The following EPHA6 variants were observed in gnomAD, a reference collection of about 807,000 sequenced individuals.
The protein encoded by EPHA6 is ephrin type-A receptor 6.
A neutral mutation model predicts 112.0 loss-of-function variants in EPHA6; 50 were observed. The ratio of observed to expected loss-of-function variants is 0.45; its 90% confidence interval spans 0.36 to 0.56. EPHA6 has a LOEUF of 0.56. Among genes scored for constraint, EPHA6 ranks in the 20% least tolerant of loss-of-function variants. The probability of loss-of-function intolerance (pLI) is 0.00; values close to 1 mark genes in which losing one functional copy is unlikely to be tolerated. For synonymous variants in EPHA6, 529 were observed against 490.7 expected, an observed-to-expected ratio of 1.08 and a Z score of -1.03; for missense variants, 1,280 against 1,417.4, an observed-to-expected ratio of 0.90 and a Z score of 1.56.
chr3:97,304,761 C>T (rs151311389), intron 5 of EPHA6, among the ~76,000 whole-genome samples: 3,262 of 151,998 alleles, frequency 0.021, 86 homozygotes, highest in African/African-American at 0.067. Context: ...GGATTACAGA[C>T]TTAAATGTAA....
chr3:97,504,224 C>T (rs778183638), intron 10 of EPHA6, among the ~76,000 whole-genome samples: 29 of 152,134 alleles, frequency 1.9e-4, no homozygotes, highest in Admixed American at 4.6e-4. Flanking sequence ...TGTGAAGTGT[C>T]AGGCTGGAGT....
At chr3:97,292,176 G>A (rs894952141) in intron 5 of EPHA6, among the ~76,000 whole-genome samples, 3 of 152,240 alleles carry the variant, frequency 2.0e-5, no homozygotes, top group Non-Finnish European at 4.4e-5. Context: ...AGGGGAACCT[G>A]ATGGCACCCG....
At chr3:97,337,062 A>G (rs568657739) in intron 5 of EPHA6, among the ~76,000 whole-genome samples, 1 of 152,234 alleles carries the variant, frequency 6.6e-6, no homozygotes, top group East Asian at 1.9e-4. Flanking sequence ...TACTTTAAAG[A>G]TACTAGAATA....
Position 97,228,539 on chromosome 3 carries a change from G to A in EPHA6, c.1270+2120G>A, listed in dbSNP as rs540993537. Among the ~76,000 whole-genome samples the A allele has an allele frequency of 2.7e-3, 388 of 146,042 alleles. 1 individual carries two copies. Among genetic ancestry groups the A allele is most frequent in the South Asian group, 7.0e-3 (32 of 4,588 alleles). ...CATTCTATGGTGTGTGTGTGTGTGT[G>A]TATATATATATATATATAATGTAAA... On this transcript the variant is annotated intron_variant, in intron 4 of 17. Transcript: ENST00000389672.
At chr3:96,824,750 G>C (rs2033531417) in intron 1 of EPHA6, among the ~76,000 whole-genome samples, 1 of 151,966 alleles carries the variant, frequency 6.6e-6, no homozygotes, top group African/African-American at 2.4e-5. Flanking sequence ...GAAATGAAAA[G>C]TACTGTTCTT....
At chr3:96,907,435 C>T (rs760410236) in intron 2 of EPHA6, among the ~76,000 whole-genome samples, 2 of 151,590 alleles carry the variant, frequency 1.3e-5, no homozygotes, top group African/African-American at 2.4e-5. Context: ...TGTCTTGCAA[C>T]TATTTCTAGA....
At position 97,592,602 on chromosome 3, in the gene EPHA6, CT is replaced by C. The variant is rs373240155; in HGVS notation, c.2387-9del. The C allele has an allele frequency of 1.2e-5, 19 of 1,612,714 alleles. No individual in the cohort carries two copies. In the East Asian group the frequency reaches 1.3e-4, roughly 11 times the overall value. On this transcript the variant is annotated splice_polypyrimidine_tract_variant and intron_variant, in intron 11 of 17. Coordinates refer to ENST00000389672, the MANE Select transcript of EPHA6 (RefSeq NM_001080448.3). ...GACTTTGATTAATGTCAATTTTTATCTCTTAAAAGGATCCTTCCCGGCCATT... is the reference window on the plus strand; with the variant it reads ...GACTTTGATTAATGTCAATTTTTATCCTTAAAAGGATCCTTCCCGGCCATT...
In EPHA6 at chr3:96,987,739, C is replaced by T. The variant is rs747424155; in HGVS notation, c.860C>T (p.Ala287Val). ...TATCTGGCTTTTCAAGACATTGGGG[C>T]GTGCATTGCCCTGGTTTCAGTCCGT... ...GFYLAFQDIG[A>V]CIALVSVRVF... Residue 287 changes from alanine (A) to valine (V), a missense_variant, in exon 3 of 18, where the codon GCG becomes GTG. Around this residue, in one of 4 missense-constraint regions of EPHA6, gnomAD observed 878 missense variants for 999.7 expected, o/e 0.88. Coordinates refer to ENST00000389672, the MANE Select transcript of EPHA6 (RefSeq NM_001080448.3). 9.3e-6 allele frequency: 15 copies of T among 1,612,274 alleles called. No homozygotes were observed. Among genetic ancestry groups the T allele is most frequent in the East Asian group, 2.2e-5 (1 of 44,864 alleles).
intron 5 of EPHA6, among the ~76,000 whole-genome samples, chr3:97,282,352 C>T (rs75599559): frequency 6.6e-6 from 1 of 152,140 alleles, no homozygotes; most frequent in East Asian, 1.9e-4. Flanking sequence ...GCCGGCGAGG[C>T]TGTGGAGAAA....
chr3:96,863,643 C>T (rs985407286), intron 1 of EPHA6, among the ~76,000 whole-genome samples: 1 of 151,926 alleles, frequency 6.6e-6, no homozygotes, highest in African/African-American at 2.4e-5. Context: ...TAGGTACATA[C>T]ATATTTTCCT....
intron 5 of EPHA6, among the ~76,000 whole-genome samples, chr3:97,337,537 T>A (rs546251985): frequency 6.6e-6 from 1 of 152,300 alleles, no homozygotes; most frequent in South Asian, 2.1e-4. Flanking sequence ...GGAGATATTT[T>A]CAAGAAACAT....
intron 10 of EPHA6, among the ~76,000 whole-genome samples, chr3:97,488,436 C>A (rs552063189): frequency 6.6e-6 from 1 of 152,284 alleles, no homozygotes; most frequent in African/African-American, 2.4e-5. Context: ...AATCACATTT[C>A]CCCTTGATGC....
chr3:97,326,537 C>A (rs2082431734), intron 5 of EPHA6, among the ~76,000 whole-genome samples: 2 of 151,954 alleles, frequency 1.3e-5, no homozygotes, highest in African/African-American at 4.8e-5. Context: ...TACCCATAGT[C>A]CATTCTTAAG....
intron 9 of EPHA6, among the ~76,000 whole-genome samples, chr3:97,482,286 A>G (rs1052706965): frequency 1.3e-5 from 2 of 152,226 alleles, no homozygotes; most frequent in Non-Finnish European, 2.9e-5. Flanking sequence ...ATGACCACAG[A>G]TCTGATTAGA....
chr3:97,045,540 G>A (rs929494244), intron 3 of EPHA6, among the ~76,000 whole-genome samples: 1 of 151,796 alleles, frequency 6.6e-6, no homozygotes, highest in Non-Finnish European at 1.5e-5. Context: ...AGAAAGAAAG[G>A]TTGATTGTTC....
intron 3 of EPHA6, among the ~76,000 whole-genome samples, chr3:97,002,113 T>G (rs1014567882): frequency 5.3e-5 from 8 of 151,922 alleles, no homozygotes; most frequent in African/African-American, 1.9e-4. Flanking sequence ...TTTTACCGCC[T>G]CGTAATTAAG....
chr3:97,418,748 G>A lies in EPHA6; in HGVS notation c.1731+13474G>A, dbSNP rs2088347065. Among the ~76,000 whole-genome samples, 4 of 151,920 alleles carry A rather than the reference G, an allele frequency of 2.6e-5. No individual in the cohort carries two copies. The South Asian group carries it at 8.3e-4, about 32-fold the overall frequency. On this transcript the variant is annotated intron_variant, in intron 6 of 17. Transcript: ENST00000389672. ...AAGCAAGATGTGAATAAATAAAATA[G>A]TAAACATGTACATAAATCTGAAAAA...
chr3:97,196,393 T>A (rs1254945444), intron 3 of EPHA6, among the ~76,000 whole-genome samples: 1 of 151,984 alleles, frequency 6.6e-6, no homozygotes, highest in Non-Finnish European at 1.5e-5. Context: ...CCCTGTGTTA[T>A]CCTAAGTTTC....
At chr3:97,198,150 T>C (rs551538676) in intron 3 of EPHA6, among the ~76,000 whole-genome samples, 1 of 152,130 alleles carries the variant, frequency 6.6e-6, no homozygotes, top group South Asian at 2.1e-4. Context: ...CACCTGATTT[T>C]TGTTCCTCCA....
Sources: allele counts gnomAD v4.1 joint callset (sites outside exome capture counted in the v4.1 genomes callset), GRCh38; gene constraint gnomAD v4.1.1; regional missense constraint gnomAD v4.1.1; transcripts MANE v1.5; gene names NCBI Gene and HGNC (gene_info 2026-07-23, HGNC 2026-07-21).